The following SKIC3 variants were observed in gnomAD, a reference collection of about 807,000 sequenced individuals.
The protein encoded by SKIC3 is superkiller complex protein 3.
the SKIC3 span, among the ~76,000 whole-genome samples, chr5:95,529,858 C>A: frequency 6.7e-4 from 95 of 141,128 alleles, no homozygotes; most frequent in African/African-American, 2.4e-3. Flanking sequence ...TATAGATATA[C>A]CTATTTTACA....
the SKIC3 span, among the ~76,000 whole-genome samples, chr5:95,539,792 C>T: frequency 1.3e-5 from 2 of 148,406 alleles, no homozygotes; most frequent in East Asian, 2.0e-4. Context: ...TGCAGTGAGC[C>T]GAGATTGCAC....
At chr5:95,502,776 C>A in the SKIC3 span, 1 of 1,486,768 alleles carries the variant, frequency 6.7e-7, no homozygotes, top group South Asian at 1.1e-5. Context: ...CCCTTTTGTT[C>A]ACCCAAAAGT....
chr5:95,467,513 C>A, the SKIC3 span, among the ~76,000 whole-genome samples: 1 of 152,022 alleles, frequency 6.6e-6, no homozygotes, highest in Non-Finnish European at 1.5e-5. Context: ...CAGGTTAAAT[C>A]AACATTAAAC....
the SKIC3 span, among the ~76,000 whole-genome samples, chr5:95,501,547 T>C: frequency 1.3e-5 from 2 of 151,906 alleles, no homozygotes; most frequent in Middle Eastern, 6.8e-3. Context: ...GTGGAAGCAG[T>C]TGGTAGTGTC....
chr5:95,499,229 G>A, the SKIC3 span, among the ~76,000 whole-genome samples: 9 of 152,138 alleles, frequency 5.9e-5, no homozygotes, highest in African/African-American at 2.2e-4. Flanking sequence ...TCTAGTGGGA[G>A]GTGATTGGAT....
chr5:95,516,696 G>T, the SKIC3 span: 1 of 1,613,290 alleles, frequency 6.2e-7, no homozygotes, highest in South Asian at 1.1e-5. Context: ...ACCACACCAA[G>T]AGCATTCCAG....
At chr5:95,512,382 C>G in the SKIC3 span, 4 of 1,407,072 alleles carry the variant, frequency 2.8e-6, no homozygotes, top group Non-Finnish European at 3.9e-6. Context: ...TTAAAGAATA[C>G]CAATATTTAA....
chr5:95,517,053 C>A, the SKIC3 span: 1 of 1,613,614 alleles, frequency 6.2e-7, no homozygotes, highest in South Asian at 1.1e-5. Flanking sequence ...AATGCACGAC[C>A]ATAACACCTA....
chr5:95,477,467 A>G, the SKIC3 span, among the ~76,000 whole-genome samples: 2 of 152,230 alleles, frequency 1.3e-5, no homozygotes, highest in South Asian at 4.1e-4. Context: ...GCTGTCTAGG[A>G]TAATTTCTTC....
the SKIC3 span, among the ~76,000 whole-genome samples, chr5:95,509,399 C>T: frequency 6.6e-6 from 1 of 152,156 alleles, no homozygotes; most frequent in South Asian, 2.1e-4. Flanking sequence ...TTCCTGCTAA[C>T]AGGCCCACAT....
the SKIC3 span, among the ~76,000 whole-genome samples, chr5:95,496,113 G>C: frequency 6.6e-6 from 1 of 151,982 alleles, no homozygotes; most frequent in African/African-American, 2.4e-5. Context: ...CGCCTCCCGG[G>C]TTCAAGTGAT....
the SKIC3 span, among the ~76,000 whole-genome samples, chr5:95,506,594 T>G: frequency 6.6e-6 from 1 of 152,184 alleles, no homozygotes; most frequent in Admixed American, 6.5e-5. Flanking sequence ...GGACCCCTAA[T>G]GTCCCTCCCC....
At chr5:95,509,475 A>G in the SKIC3 span, 1 of 772,240 alleles carries the variant, frequency 1.3e-6, no homozygotes, top group African/African-American at 1.7e-5. Context: ...CCACCTGCAA[A>G]TGGCGTGAAC....
chr5:95,484,987 G>C, the SKIC3 span: 1 of 858,590 alleles, frequency 1.2e-6, no homozygotes, highest in Non-Finnish European at 1.9e-6. Flanking sequence ...ATGTACCATA[G>C]ACTATCCTGA....
chr5:95,494,751 T>C, the SKIC3 span: 1 of 1,613,810 alleles, frequency 6.2e-7, no homozygotes, highest in Non-Finnish European at 8.5e-7. Context: ...GCTGAACTGC[T>C]TCCCATAGCC....
the SKIC3 span, chr5:95,514,923 G>C: frequency 1.9e-6 from 3 of 1,611,880 alleles, no homozygotes; most frequent in Non-Finnish European, 2.5e-6. Flanking sequence ...TCATGAGCTT[G>C]CTAGGAAAAA....
the SKIC3 span, among the ~76,000 whole-genome samples, chr5:95,532,285 C>T: frequency 7.2e-5 from 11 of 152,064 alleles, no homozygotes; most frequent in Admixed American, 2.6e-4. Flanking sequence ...TGAACATAAA[C>T]GACTTTTAAA....
chr5:95,533,141 A>G, the SKIC3 span, among the ~76,000 whole-genome samples: 1 of 152,160 alleles, frequency 6.6e-6, no homozygotes, highest in Non-Finnish European at 1.5e-5. Flanking sequence ...TAAATAAAAA[A>G]GTCATTTAGC....
the SKIC3 span, among the ~76,000 whole-genome samples, chr5:95,545,837 T>C: frequency 6.6e-6 from 1 of 152,140 alleles, no homozygotes; most frequent in Admixed American, 6.6e-5. Context: ...AGTGCCTGTA[T>C]TCATGTTGAT....
Sources: gnomAD v4.1 joint callset for allele counts (sites outside exome capture counted in the v4.1 genomes callset) on GRCh38, gnomAD v4.1.1 for gene constraint, MANE v1.5 for transcripts, NCBI Gene and HGNC (gene_info 2026-07-23, HGNC 2026-07-21) for gene names.